Variants in GAS7 observed in about 807,000 individuals in gnomAD.
GAS7 encodes growth arrest specific 7, also known as growth arrest-specific protein 7.
GAS7 carries 28 observed loss-of-function variants against 71.1 expected under a neutral mutation model. That is an observed-to-expected ratio of 0.39 (90% CI 0.29 to 0.54). GAS7 has a LOEUF of 0.54. Ranked by LOEUF, GAS7 falls within the 20% of genes least tolerant of loss-of-function variation. The pLI, the probability that GAS7 is intolerant of heterozygous loss-of-function variation, is 0.62. For synonymous variants in GAS7, 258 were observed against 245.8 expected, an observed-to-expected ratio of 1.05 and a Z score of -0.46; for missense variants, 436 against 627.8, an observed-to-expected ratio of 0.69 and a Z score of 3.27.
In GAS7 at chr17:9,912,175, A is replaced by G. The variant is rs1384378379; in HGVS notation, c.*5053T>C. Reference sequence around the variant, plus strand: ...ACTACCTCATTCTTAACAGCTCATAAAACTCTTAATTTTAGCTCCATTTGA... The same window carrying G: ...ACTACCTCATTCTTAACAGCTCATAGAACTCTTAATTTTAGCTCCATTTGA... On this transcript the variant is annotated 3_prime_UTR_variant, in exon 14 of 14. Coordinates refer to ENST00000432992, the MANE Select transcript of GAS7 (RefSeq NM_201433.2). 2.6e-5 allele frequency: 6 copies of G among 232,466 alleles called. No individual in the cohort carries two copies. The highest frequency in any genetic ancestry group is 5.1e-5 in the Non-Finnish European group (6 of 117,626). The allele number at this position is 232,466 out of a possible 1,614,324, so 14.4% of individuals were successfully genotyped here.
intron 1 of GAS7, among the ~76,000 whole-genome samples, chr17:10,196,854 C>A (rs2074544676): frequency 1.3e-5 from 2 of 152,206 alleles, no homozygotes; most frequent in African/African-American, 4.8e-5. Flanking sequence ...ACATCCGAAT[C>A]TCGGGAAAGG....
At chr17:10,177,888 A>G (rs2074384830) in intron 1 of GAS7, among the ~76,000 whole-genome samples, 1 of 152,172 alleles carries the variant, frequency 6.6e-6, no homozygotes, top group African/African-American at 2.4e-5. Flanking sequence ...CACCCAGAGT[A>G]ACAAAGCCCC....
chr17:10,134,842 T>C (rs2074026326), intron 1 of GAS7, among the ~76,000 whole-genome samples: 2 of 152,032 alleles, frequency 1.3e-5, no homozygotes, highest in Admixed American at 1.3e-4. Context: ...TCCACTTTTT[T>C]TTTTTTTTTA....
At position 9,917,469 on chromosome 17, in the gene GAS7, A is replaced by AG. The variant is rs1010698143; in HGVS notation, c.1318-129dup. 66 of 668,640 alleles carry AG rather than the reference A, an allele frequency of 9.9e-5. No homozygotes were observed. In the African/African-American group the frequency reaches 1.1e-3, roughly 11 times the overall value. The allele number at this position is 668,640 out of a possible 1,614,324, so 41.4% of individuals were successfully genotyped here. A position where few individuals can be genotyped will look rare whatever the true frequency, so the allele number is the denominator to read the frequency against. On this transcript the variant is annotated intron_variant, in intron 13 of 13. Transcript: ENST00000432992. ...CCTCTCTAGAGGGCTCCGGGGCCCCAGGGGGAGGCCCATCTGAGGGACAGC... is the reference window on the plus strand; with the variant it reads ...CCTCTCTAGAGGGCTCCGGGGCCCCAGGGGGGAGGCCCATCTGAGGGACAGC...
At chr17:9,989,922 G>C (rs1394972264) in intron 2 of GAS7, among the ~76,000 whole-genome samples, 1 of 152,218 alleles carries the variant, frequency 6.6e-6, no homozygotes, top group Non-Finnish European at 1.5e-5. Flanking sequence ...CAGGAAGTCA[G>C]TGGGTGCTGC....
chr17:9,992,567 T>G (rs2070884525), intron 2 of GAS7, among the ~76,000 whole-genome samples: 1 of 151,448 alleles, frequency 6.6e-6, no homozygotes, highest in Admixed American at 6.6e-5. Flanking sequence ...AAAGTCTTTT[T>G]TTTTTTATTG....
intron 1 of GAS7, among the ~76,000 whole-genome samples, chr17:10,125,525 TAAAAAAAAAAAG>T (rs1229834409): frequency 1.1e-3 from 64 of 58,722 alleles, no homozygotes; most frequent in Non-Finnish European, 1.7e-3. Flanking sequence ...AACTCCATCT[TAAAAAAAAAAAG>T]AAAAAAAAAA....
intron 8 of GAS7, among the ~76,000 whole-genome samples, chr17:9,934,616 G>A (rs73974341): frequency 0.015 from 2,309 of 152,234 alleles, 65 homozygotes; most frequent in African/African-American, 0.053. Context: ...CCCCTGGGCC[G>A]TCACTGTCCC....
chr17:10,102,752 T>TG (rs2073716544), intron 1 of GAS7, among the ~76,000 whole-genome samples: 2 of 66,424 alleles, frequency 3.0e-5, no homozygotes, highest in Non-Finnish European at 6.9e-5. Flanking sequence ...CCAGGCCCTG[T>TG]TTTTTTTTTT....
intron 1 of GAS7, among the ~76,000 whole-genome samples, chr17:10,142,681 C>A (rs1019871145): frequency 6.6e-6 from 1 of 152,130 alleles, no homozygotes; most frequent in African/African-American, 2.4e-5. Context: ...GAAAACATAA[C>A]ATAAAATGAC....
At chr17:10,105,911 T>A (rs532578904) in intron 1 of GAS7, among the ~76,000 whole-genome samples, 1 of 152,292 alleles carries the variant, frequency 6.6e-6, no homozygotes, top group Non-Finnish European at 1.5e-5. Flanking sequence ...CAGTAAGTGT[T>A]AGTGGACTGC....
chr17:10,065,227 G>A (rs1236504877), intron 1 of GAS7, among the ~76,000 whole-genome samples: 1 of 152,210 alleles, frequency 6.6e-6, no homozygotes. Context: ...GGAGAATTTA[G>A]AGATTTGGTT....
intron 1 of GAS7, among the ~76,000 whole-genome samples, chr17:10,145,919 C>A (rs188975896): frequency 4.6e-5 from 7 of 152,124 alleles, no homozygotes; most frequent in African/African-American, 1.4e-4. Context: ...AGAACTTGCC[C>A]CCGTAGTCCC....
chr17:10,198,442 G>A lies in GAS7; in HGVS notation c.-52C>T, dbSNP rs756279700. 7 of 1,356,564 alleles carry A rather than the reference G, an allele frequency of 5.2e-6. No homozygotes were observed. The South Asian group carries it at 6.2e-5, about 12-fold the overall frequency. The allele number at this position is 1,356,564 out of a possible 1,614,324, so 84.0% of individuals were successfully genotyped here. On this transcript the variant is annotated 5_prime_UTR_variant, in exon 1 of 14. Transcript: ENST00000432992. ...AGCCTGCATTCCCGCCGAGCCCCAC[G>A]GGCTGGGCAGCGGCTCCGCGGGGTC...
At chr17:10,005,050 T>TATATATATATATATATATATAC (rs1296844463) in intron 2 of GAS7, among the ~76,000 whole-genome samples, 1 of 150,158 alleles carries the variant, frequency 6.7e-6, no homozygotes, top group East Asian at 2.0e-4. Context: ...TACATATATA[T>TATATATATATATATATATATAC]ACACATATAT....
intron 5 of GAS7, among the ~76,000 whole-genome samples, chr17:9,951,856 G>A (rs1412606458): frequency 6.6e-6 from 1 of 150,864 alleles, no homozygotes; most frequent in Non-Finnish European, 1.5e-5. Flanking sequence ...GAGGAGAAAT[G>A]GGTCTTGGCC....
intron 3 of GAS7, among the ~76,000 whole-genome samples, chr17:9,973,398 C>T (rs184725052): frequency 2.6e-5 from 4 of 152,040 alleles, no homozygotes; most frequent in East Asian, 1.9e-4. Context: ...GGATTACAGG[C>T]GCCCGCCACC....
At chr17:10,183,473 TGTGTGTACAAAGTGCCA>T in intron 1 of GAS7, among the ~76,000 whole-genome samples, 1 of 152,234 alleles carries the variant, frequency 6.6e-6, no homozygotes, top group East Asian at 1.9e-4. Flanking sequence ...TTACAGAGTG[TGTGTGTACAAAGTGCCA>T]AAGCTCTTCT....
chr17:10,099,495 C>T (rs1009616112), intron 1 of GAS7, among the ~76,000 whole-genome samples: 2 of 152,192 alleles, frequency 1.3e-5, no homozygotes, highest in African/African-American at 4.8e-5. Context: ...GTGGTTCTGG[C>T]AGGGCACCCT....
Sources: allele counts gnomAD v4.1 joint callset (sites outside exome capture counted in the v4.1 genomes callset), GRCh38; gene constraint gnomAD v4.1.1; transcripts MANE v1.5; gene names NCBI Gene and HGNC (gene_info 2026-07-23, HGNC 2026-07-21).